Variants in ADAMTS15 observed in about 807,000 individuals in gnomAD.
ADAMTS15 encodes the protein A disintegrin and metalloproteinase with thrombospondin motifs 15.
Under a neutral mutation model 79.1 loss-of-function variants are expected in ADAMTS15, and 35 were observed. The observed-to-expected ratio is 0.44, with a 90% CI of 0.34 to 0.59. The LOEUF (loss-of-function observed/expected upper bound fraction) is 0.59. Ranked by LOEUF, ADAMTS15 falls within the 20% of genes least tolerant of loss-of-function variation. The pLI is 0.02. For synonymous variants in ADAMTS15, 616 were observed against 567.3 expected (o/e 1.09, Z -1.22); for missense variants, 1,324 against 1,318.7 (o/e 1.00, Z -0.06).
In ADAMTS15 at chr11:130,467,904, C is replaced by T. The variant is rs115506890; in HGVS notation, c.1543-1358C>T. ...TTAAAAGAAACTTCAGAATGGTTCA[C>T]GGTGAAACTTTCTCAAATACAGCCC... On this transcript the variant is annotated intron_variant, in intron 4 of 7. Transcript: ENST00000299164. 1.5e-3 allele frequency among the ~76,000 whole-genome samples: 225 copies of T among 152,208 alleles called. 2 individuals carry two copies. The highest frequency in any genetic ancestry group is 5.2e-3 in the African/African-American group (214 of 41,522).
chr11:130,473,795 G>A lies in ADAMTS15; in HGVS notation c.2827G>A (p.Asp943Asn), dbSNP rs1565400217. 1 of 1,597,976 alleles carries A rather than the reference G, an allele frequency of 6.3e-7. No homozygotes were observed. The highest frequency in any genetic ancestry group is 8.5e-7 in the Non-Finnish European group (1 of 1,179,142). Residue 943 changes from aspartate to asparagine, a missense_variant, in exon 8 of 8, where the codon GAC becomes AAC. By Grantham distance (23) the Asp-to-Asn change is conservative (BLOSUM62 1). Transcript: ENST00000299164. Reference protein sequence around the residue: ...CNLHRKPQELDFCVLRPC With the variant: ...CNLHRKPQELNFCVLRPC Reference sequence around the variant, plus strand: ...CTTGCACCGCAAGCCCCAGGAGCTGGACTTCTGCGTCCTGAGGCCGTGCTG... The same window carrying A: ...CTTGCACCGCAAGCCCCAGGAGCTGAACTTCTGCGTCCTGAGGCCGTGCTG...
At chr11:130,466,772 C>A (rs556711058) in intron 4 of ADAMTS15, among the ~76,000 whole-genome samples, 80 of 152,332 alleles carry the variant, frequency 5.3e-4, no homozygotes, top group African/African-American at 1.9e-3. Context: ...TCCCATTTCT[C>A]GCTGCCTTGT....
chr11:130,457,300 T>G (rs1461178146), intron 1 of ADAMTS15, among the ~76,000 whole-genome samples: 1 of 151,734 alleles, frequency 6.6e-6, no homozygotes, highest in Non-Finnish European at 1.5e-5. Flanking sequence ...CTGGAAAACA[T>G]TGAGCATCTT....
At chr11:130,463,191 C>G (rs751891728) in intron 4 of ADAMTS15, among the ~76,000 whole-genome samples, 19 of 152,222 alleles carry the variant, frequency 1.2e-4, no homozygotes, top group Non-Finnish European at 2.4e-4. Context: ...GTTCCACACC[C>G]AGGGAGCTGG....
At position 130,449,431 on chromosome 11, in the gene ADAMTS15, G is replaced by A. The variant is rs1205239153; in HGVS notation, c.458G>A (p.Gly153Asp). 2.5e-6 allele frequency: 4 copies of A among 1,591,912 alleles called. No individual in the cohort carries two copies. Among genetic ancestry groups the A allele is most frequent in the Non-Finnish European group, 3.4e-6 (4 of 1,173,160 alleles). Residue 153 changes from glycine to aspartate, a missense_variant, in exon 1 of 8, where the codon GGC (glycine) becomes GAC (aspartate). Transcript: ENST00000299164. The surrounding 1 kb of genome is among the most constrained non-coding windows in gnomAD (Gnocchi z 7.8). ...CCGGCGGCGCAGCGCAACAGCCAGG[G>A]CGCACACCTTCTCCAGCGCCGGGGT... ...SAPAAQRNSQGAHLLQRRGVP... is the reference protein window; with the variant it reads ...SAPAAQRNSQDAHLLQRRGVP...
chr11:130,455,071 A>G (rs1938048583), intron 1 of ADAMTS15, among the ~76,000 whole-genome samples: 1 of 152,120 alleles, frequency 6.6e-6, no homozygotes, highest in African/African-American at 2.4e-5. Flanking sequence ...CTCTCTAGCA[A>G]TGGACATTGC....
In ADAMTS15 at chr11:130,471,189, C is replaced by T. The variant is rs777679928; in HGVS notation, c.1903-19C>T. On this transcript the variant is annotated intron_variant, in intron 6 of 7. Transcript: ENST00000299164. ...GCTGCCCTGCTCTTCCTTCTTTTTC[C>T]CCTTCTGGGGTGCTGCAGGTGGTGG... 4.2e-5 allele frequency: 67 copies of T among 1,586,540 alleles called. No homozygotes were observed. Among genetic ancestry groups the T allele is most frequent in the Non-Finnish European group, 5.5e-5 (64 of 1,165,520 alleles).
In ADAMTS15 at chr11:130,472,971, G is replaced by C; in HGVS notation, c.2079-76G>C. ...ATTCACCGAAAGCTAGGTTTACTGA[G>C]GAAAACAGATCCTGGAGCATAAGGT... is the stretch of plus-strand genomic sequence containing the variant. On this transcript the variant is annotated intron_variant, in intron 7 of 7. Transcript: ENST00000299164. The surrounding 1 kb of genome is among the most constrained non-coding windows in gnomAD (Gnocchi z 4.7). 8 of 1,553,938 alleles carry C rather than the reference G, an allele frequency of 5.1e-6. No individual in the cohort carries two copies. The highest frequency in any genetic ancestry group is 7.0e-6 in the Non-Finnish European group (8 of 1,148,934).
chr11:130,448,960 CGCT>C lies in ADAMTS15; in HGVS notation c.-11_-9del. On this transcript the variant is annotated 5_prime_UTR_variant, in exon 1 of 8. Transcript: ENST00000299164. ...AGCCCCTTCCCACAGCGCGGCGGTG[CGCT>C]GCCCGGCGCCATGCTTCTGCTGGGC... 1 of 1,482,754 alleles carries C rather than the reference CGCT, an allele frequency of 6.7e-7. No individual in the cohort carries two copies. The highest frequency in any genetic ancestry group is 2.4e-5 in the East Asian group (1 of 42,234). The allele number at this position is 1,482,754 out of a possible 1,614,324, so 91.8% of individuals were successfully genotyped here. A position where few individuals can be genotyped will look rare whatever the true frequency, so the allele number is the denominator to read the frequency against.
intron 1 of ADAMTS15, among the ~76,000 whole-genome samples, chr11:130,451,571 G>A (rs1274562609): frequency 1.3e-5 from 2 of 151,940 alleles, no homozygotes; most frequent in Non-Finnish European, 2.9e-5. Context: ...TTAGATTGCT[G>A]GGGCTTGAAA....
rs1202400637 is a variant in ADAMTS15 at position 130,475,601 on chromosome 11, G to C, written c.*1780G>C. On this transcript the variant is annotated 3_prime_UTR_variant, in exon 8 of 8. Transcript: ENST00000299164. The stretch of plus-strand genomic sequence containing the variant: ...AGCCAGCCAGCCAAGCCTCTGCGAT[G>C]ATGTTCTCATCCGGTCTAACGCTGG... 1 of 152,264 alleles carries C rather than the reference G, an allele frequency of 6.6e-6. No homozygotes were observed. Among genetic ancestry groups the C allele is most frequent in the Non-Finnish European group, 1.5e-5 (1 of 68,098 alleles). The allele number at this position is 152,264 out of a possible 1,614,324, so 9.4% of individuals were successfully genotyped here. A position where few individuals can be genotyped will look rare whatever the true frequency, so the allele number is the denominator to read the frequency against.
chr11:130,471,133 G>C lies in ADAMTS15; in HGVS notation c.1902+32G>C, dbSNP rs769928984. 8.7e-6 allele frequency: 14 copies of C among 1,601,296 alleles called. No individual in the cohort carries two copies. The African/African-American group carries it at 1.6e-4, about 18-fold the overall frequency. On this transcript the variant is annotated intron_variant, in intron 6 of 7. Transcript: ENST00000299164. Reference sequence around the variant, plus strand: ...GAGCCTGGGGCCTGAGAACAAAGTAGGGACCAGGTCTTCCGGGGAGCATCA... The same window carrying C: ...GAGCCTGGGGCCTGAGAACAAAGTACGGACCAGGTCTTCCGGGGAGCATCA...
In ADAMTS15 at chr11:130,449,937, TG is replaced by T; in HGVS notation, c.957+8del. 6.3e-7 allele frequency: 1 copy of T among 1,596,750 alleles called. No individual in the cohort carries two copies. Among genetic ancestry groups the T allele is most frequent in the Non-Finnish European group, 8.5e-7 (1 of 1,177,660 alleles). ...CATCCTCTTCACCAGGCAGGTGAGTTGATCTGCCGTCACTTTGCACCCAGAT... is the reference window on the plus strand; with the variant it reads ...CATCCTCTTCACCAGGCAGGTGAGTTATCTGCCGTCACTTTGCACCCAGAT... On this transcript the variant is annotated splice_region_variant and intron_variant, in intron 1 of 7. Coordinates refer to ENST00000299164, the MANE Select transcript of ADAMTS15 (RefSeq NM_139055.4). The surrounding 1 kb of genome is among the most constrained non-coding windows in gnomAD (Gnocchi z 7.8).
rs1403222328 is a variant in ADAMTS15 at position 130,448,935 on chromosome 11, A to AGCCCC, written c.-38_-34dup. The AGCCCC allele has an allele frequency of 2.1e-6, 3 of 1,451,060 alleles. No individual in the cohort carries two copies. In the African/African-American group the frequency reaches 4.3e-5, roughly 21 times the overall value. The allele number at this position is 1,451,060 out of a possible 1,614,324, so 89.9% of individuals were successfully genotyped here. A position where few individuals can be genotyped will look rare whatever the true frequency, so the allele number is the denominator to read the frequency against. On this transcript the variant is annotated 5_prime_UTR_variant, in exon 1 of 8. Coordinates refer to ENST00000299164, the MANE Select transcript of ADAMTS15 (RefSeq NM_139055.4). Reference sequence around the variant, plus strand: ...CGGCAGCGGCCGGAGAGCCCGGCCCAGCCCCTTCCCACAGCGCGGCGGTGC... The same window carrying AGCCCC: ...CGGCAGCGGCCGGAGAGCCCGGCCCAGCCCCGCCCCTTCCCACAGCGCGGCGGTGC...
At chr11:130,454,934 C>T (rs1180264226) in intron 1 of ADAMTS15, among the ~76,000 whole-genome samples, 1 of 152,128 alleles carries the variant, frequency 6.6e-6, no homozygotes, top group African/African-American at 2.4e-5. Context: ...TAGTTGTTTG[C>T]GTCCCCTCCC....
At position 130,469,254 on chromosome 11, in the gene ADAMTS15, C is replaced by G; in HGVS notation, c.1543-8C>G. ...CCACCAAGGAATATAACAGGCTCTT[C>G]CTCACAGGTGGATGGTTCCTGGGCC... On this transcript the variant is annotated splice_polypyrimidine_tract_variant and splice_region_variant and intron_variant, in intron 4 of 7. Coordinates refer to ENST00000299164, the MANE Select transcript of ADAMTS15 (RefSeq NM_139055.4). 1 of 1,387,240 alleles carries G rather than the reference C, an allele frequency of 7.2e-7. No homozygotes were observed. The allele number at this position is 1,387,240 out of a possible 1,614,324, so 85.9% of individuals were successfully genotyped here. A position where few individuals can be genotyped will look rare whatever the true frequency, so the allele number is the denominator to read the frequency against.
Position 130,473,346 on chromosome 11 carries a change from G to C in ADAMTS15, c.2378G>C (p.Arg793Pro). ...TCCGTGGGGAAGATGACACCGCCCC[G>C]GGTCCGCTACTCCTTCTATCTGCCC... Reference protein sequence around the residue: ...VLSVGKMTPPRVRYSFYLPKE... With the variant: ...VLSVGKMTPPPVRYSFYLPKE... Residue 793 changes from arginine (R) to proline (P), a missense_variant, in exon 8 of 8, where the codon CGG becomes CCG. Arg to Pro is a moderately radical substitution (Grantham distance 103). Coordinates refer to ENST00000299164, the MANE Select transcript of ADAMTS15 (RefSeq NM_139055.4). 6.2e-7 allele frequency: 1 copy of C among 1,612,888 alleles called. No homozygotes were observed. Among genetic ancestry groups the C allele is most frequent in the Non-Finnish European group, 8.5e-7 (1 of 1,179,998 alleles).
intron 1 of ADAMTS15, 92 bp from the exon 2 acceptor site, chr11:130,461,397 A>AC: frequency 2.6e-5 from 40 of 1,564,874 alleles, no homozygotes; most frequent in Non-Finnish European, 3.5e-5. Flanking sequence ...GATGAGCTGG[A>AC]ATGTCCTATA....
chr11:130,449,842 G>T lies in ADAMTS15; in HGVS notation c.869G>T (p.Arg290Leu). The T allele has an allele frequency of 6.2e-7, 1 of 1,608,162 alleles. No individual in the cohort carries two copies. The highest frequency in any genetic ancestry group is 8.5e-7 in the Non-Finnish European group (1 of 1,179,994). Reference sequence around the variant, plus strand: ...ACCGGCAATGCGGCCCTGACGCTGCGCAACTTCTGTGCCTGGCAGAAGAAG... The same window carrying T: ...ACCGGCAATGCGGCCCTGACGCTGCTCAACTTCTGTGCCTGGCAGAAGAAG... ...KVTGNAALTL[R>L]NFCAWQKKLN... Residue 290 changes from arginine (R) to leucine (L), a missense_variant, in exon 1 of 8, where the codon CGC becomes CTC. Coordinates refer to ENST00000299164, the MANE Select transcript of ADAMTS15 (RefSeq NM_139055.4). The surrounding 1 kb of genome is among the most constrained non-coding windows in gnomAD (Gnocchi z 7.8).
Sources: allele counts gnomAD v4.1 joint callset (sites outside exome capture counted in the v4.1 genomes callset), GRCh38; gene constraint gnomAD v4.1.1; non-coding constraint Gnocchi (gnomAD v3.1); transcripts MANE v1.5; gene names NCBI Gene and HGNC (gene_info 2026-07-23, HGNC 2026-07-21).